The following APC variants were observed in gnomAD, a reference collection of about 807,000 sequenced individuals.
The protein encoded by APC is adenomatous polyposis coli protein.
In APC, 72 loss-of-function variants were observed where a neutral mutation model predicts 247.0. The ratio of observed to expected loss-of-function variants is 0.29; its 90% CI spans 0.24 to 0.35. The LOEUF (loss-of-function observed/expected upper bound fraction) is 0.35. Among genes scored for constraint, APC ranks in the 10% least tolerant of loss-of-function variants. The pLI is 1.00. For synonymous variants in APC, 1,254 were observed against 1,162.5 expected, an observed-to-expected ratio of 1.08 and a Z score of -1.60; for missense variants, 3,400 against 3,360.7, an observed-to-expected ratio of 1.01 and a Z score of -0.29.
intron 11 of APC, among the ~76,000 whole-genome samples, chr5:112,824,592 C>A (rs899751750): frequency 4.6e-5 from 7 of 152,138 alleles, no homozygotes; most frequent in African/African-American, 1.4e-4. Flanking sequence ...TCATGTAGTG[C>A]CTTCTTGGCA....
In APC at chr5:112,835,346, A is replaced by G. The variant is rs562165979; in HGVS notation, c.1958+181A>G. Among the ~76,000 whole-genome samples the G allele has an allele frequency of 1.0e-3, 153 of 152,308 alleles. 1 individual carries two copies. The highest frequency in any genetic ancestry group is 1.8e-3 in the Non-Finnish European group (124 of 68,030). On this transcript the variant is annotated intron_variant, in intron 15 of 15. Transcript: ENST00000257430. ...AGTGTACTTAATGTAATAACAGTTT[A>G]TAGTATTATAGAGGAGACTAAATTA...
At chr5:112,711,871 T>C (rs1360563161) in intron 1 of APC, among the ~76,000 whole-genome samples, 1 of 152,070 alleles carries the variant, frequency 6.6e-6, no homozygotes, top group African/African-American at 2.4e-5. Flanking sequence ...GTTTGGGCTT[T>C]AGACTTCCCT....
At chr5:112,737,441 A>G (rs927973606), upstream of APC, among the ~76,000 whole-genome samples, 2 of 152,232 alleles carry the variant, frequency 1.3e-5, no homozygotes, top group Admixed American at 1.3e-4. Context: ...CTGACAACTC[A>G]GTGACTTGTA....
intron 8 of APC, among the ~76,000 whole-genome samples, chr5:112,802,934 T>TA (rs958782426): frequency 2.4e-4 from 36 of 151,694 alleles, no homozygotes; most frequent in African/African-American, 7.0e-4. Context: ...ATCGTAGAAG[T>TA]AAAAAAATAA....
intron 13 of APC, 148 bp from the exon 14 acceptor site, chr5:112,828,708 C>A: frequency 1.7e-6 from 1 of 603,012 alleles, no homozygotes; most frequent in Non-Finnish European, 3.0e-6. Context: ...CTCAGCCTCC[C>A]AAAGTGATAG....
intron 2 of APC, among the ~76,000 whole-genome samples, chr5:112,763,456 T>C (rs1344013370): frequency 6.6e-6 from 1 of 152,098 alleles, no homozygotes; most frequent in Non-Finnish European, 1.5e-5. Flanking sequence ...TAAAAAATGC[T>C]ATGGTTTATT....
intron 6 of APC, among the ~76,000 whole-genome samples, chr5:112,790,927 A>G (rs903775924): frequency 1.4e-4 from 22 of 152,220 alleles, no homozygotes; most frequent in Admixed American, 7.2e-4. Flanking sequence ...TTATTGAAAC[A>G]GTTTACTTTT....
At chr5:112,738,384 A>C (rs1752576436) in intron 1 of APC, 1 of 985,616 alleles carries the variant, frequency 1.0e-6, no homozygotes. Context: ...AAGAGAGAGG[A>C]GACAAAACCG....
At position 112,842,847 on chromosome 5, in the gene APC, G is replaced by A. The variant is rs2149982876; in HGVS notation, c.7253G>A (p.Arg2418Lys). 6.2e-7 allele frequency: 1 copy of A among 1,613,914 alleles called. No individual in the cohort carries two copies. The highest frequency in any genetic ancestry group is 8.5e-7 in the Non-Finnish European group (1 of 1,179,908). ...GCCAATAAAAAGGTAGAACTTTCTA[G>A]AATGTCTTCAACTAAATCAAGTGGA... ...NGANKKVELSRMSSTKSSGSE... is the reference protein window; with the variant it reads ...NGANKKVELSKMSSTKSSGSE... The change falls in exon 16 of 16, where the codon AGA (arginine) becomes AAA (lysine). Residue 2418 changes from arginine (R) to lysine (K), a missense_variant. Coordinates refer to ENST00000257430, the MANE Select transcript of APC (RefSeq NM_000038.6).
At chr5:112,780,008 C>A (rs922703788) in intron 5 of APC, among the ~76,000 whole-genome samples, 2 of 152,106 alleles carry the variant, frequency 1.3e-5, no homozygotes, top group Non-Finnish European at 2.9e-5. Context: ...AAGTCTGTTA[C>A]CTATCATTTT....
chr5:112,744,643 A>G (rs1753432813), intron 1 of APC, among the ~76,000 whole-genome samples: 1 of 152,212 alleles, frequency 6.6e-6, no homozygotes, highest in Non-Finnish European at 1.5e-5. Context: ...ATATTATAAC[A>G]GCAGAGGAAA....
intron 6 of APC, among the ~76,000 whole-genome samples, chr5:112,792,158 A>T (rs562080560): frequency 6.6e-6 from 1 of 152,268 alleles, no homozygotes; most frequent in African/African-American, 2.4e-5. Flanking sequence ...AGGCAAAAGA[A>T]TCACTTGAAC....
intron 7 of APC, among the ~76,000 whole-genome samples, chr5:112,793,667 G>C (rs1283728082): frequency 1.3e-5 from 2 of 152,102 alleles, no homozygotes; most frequent in Admixed American, 6.5e-5. Flanking sequence ...ATTCTAGGAA[G>C]GTTCAATATC....
intron 1 of APC, among the ~76,000 whole-genome samples, chr5:112,752,463 C>G (rs1201498863): frequency 6.6e-6 from 1 of 152,078 alleles, no homozygotes; most frequent in Non-Finnish European, 1.5e-5. Flanking sequence ...TCCCCTACCC[C>G]ACACTTACAA....
intron 1 of APC, among the ~76,000 whole-genome samples, chr5:112,713,856 C>A (rs1554060927): frequency 1.3e-5 from 2 of 152,138 alleles, no homozygotes; most frequent in Non-Finnish European, 2.9e-5. Flanking sequence ...CAGGGTTTCG[C>A]AATGTTGGCT....
In APC at chr5:112,838,224, G is replaced by T. The variant is rs558732083; in HGVS notation, c.2630G>T (p.Gly877Val). Residue 877 changes from glycine (G) to valine (V), a missense_variant, in exon 16 of 16, where the codon GGT becomes GTT. Around this residue, in one of 9 missense-constraint regions of APC, gnomAD observed 715 missense variants for 656.6 expected, o/e 1.09. Transcript: ENST00000257430. ...TENPGTSSKR[G>V]LQISTTAAQI... ...AATCCAGGAACTTCTTCAAAGCGAG[G>T]TTTGCAGATCTCCACCACTGCAGCC... The T allele has an allele frequency of 6.2e-7, 1 of 1,614,002 alleles. No homozygotes were observed. Among genetic ancestry groups the T allele is most frequent in the Non-Finnish European group, 8.5e-7 (1 of 1,179,990 alleles).
intron 11 of APC, among the ~76,000 whole-genome samples, chr5:112,826,297 A>C (rs1763650904): frequency 6.6e-6 from 1 of 151,890 alleles, no homozygotes; most frequent in Admixed American, 6.6e-5. Flanking sequence ...TAGCCTCCAC[A>C]TGCATTTTTC....
intron 1 of APC, among the ~76,000 whole-genome samples, chr5:112,741,535 A>G (rs1249008466): frequency 6.6e-6 from 1 of 152,184 alleles, no homozygotes; most frequent in Admixed American, 6.5e-5. Context: ...TGTGTTTAAT[A>G]TGCATAAATT....
At chr5:112,837,416 A>G in intron 15 of APC, 137 bp from the exon 16 acceptor site, 1 of 654,702 alleles carries the variant, frequency 1.5e-6, no homozygotes, top group Non-Finnish European at 2.6e-6. Flanking sequence ...AATTAGAACA[A>G]AAGGAGATGT....
Sources: allele counts gnomAD v4.1 joint callset (sites outside exome capture counted in the v4.1 genomes callset), GRCh38; gene constraint gnomAD v4.1.1; regional missense constraint gnomAD v4.1.1; transcripts MANE v1.5; gene names NCBI Gene and HGNC (gene_info 2026-07-23, HGNC 2026-07-21).